Variants in CEP192 observed in about 807,000 individuals in gnomAD.
The protein encoded by CEP192 is centrosomal protein of 192 kDa.
In CEP192, 151 loss-of-function variants were observed where a neutral mutation model predicts 271.8. The ratio of observed to expected loss-of-function variants is 0.56; its 90% CI spans 0.49 to 0.64. The LOEUF is 0.64. Among genes scored for constraint, CEP192 ranks in the 30% least tolerant of loss-of-function variants. The pLI is 0.00. For synonymous variants in CEP192, 995 were observed against 1,076.5 expected (o/e 0.92, Z 1.48); for missense variants, 2,910 against 3,020.5 (o/e 0.96, Z 0.86).
chr18:13,106,807 T>C (rs1385683761), intron 40 of CEP192, among the ~76,000 whole-genome samples: 1 of 152,108 alleles, frequency 6.6e-6, no homozygotes, highest in Non-Finnish European at 1.5e-5. Context: ...AACCCTCAAC[T>C]ACAACCACAC....
At chr18:12,999,059 C>T (rs1427687672) in intron 1 of CEP192, among the ~76,000 whole-genome samples, 1 of 152,028 alleles carries the variant, frequency 6.6e-6, no homozygotes, top group African/African-American at 2.4e-5. Context: ...TAAATATGTC[C>T]TAAAATCATT....
intron 13 of CEP192, 111 bp downstream of exon 13, chr18:13,038,690 T>C (rs1197468180): frequency 2.4e-6 from 2 of 844,738 alleles, no homozygotes; most frequent in African/African-American, 1.7e-5. Context: ...GACAGAAGAG[T>C]GGTAAAAAAC....
intron 44 of CEP192, among the ~76,000 whole-genome samples, chr18:13,118,675 C>G (rs2040537101): frequency 6.6e-6 from 1 of 152,198 alleles, no homozygotes; most frequent in South Asian, 2.1e-4. Context: ...TTGATAAACT[C>G]TTTGGCCTCA....
At chr18:13,051,852 C>CTT (rs35962958) in intron 17 of CEP192, among the ~76,000 whole-genome samples, 2 of 152,200 alleles carry the variant, frequency 1.3e-5, no homozygotes, top group Non-Finnish European at 2.9e-5. Context: ...CAATTTGGGA[C>CTT]TTTTTAAAAG....
intron 21 of CEP192, among the ~76,000 whole-genome samples, chr18:13,059,785 G>A (rs760015904): frequency 8.5e-5 from 13 of 152,078 alleles, no homozygotes; most frequent in Non-Finnish European, 1.3e-4. Flanking sequence ...GCTGCACATT[G>A]GAATAACACT....
At chr18:13,101,426 A>G (rs1333273563) in intron 38 of CEP192, among the ~76,000 whole-genome samples, 1 of 152,156 alleles carries the variant, frequency 6.6e-6, no homozygotes, top group Non-Finnish European at 1.5e-5. Context: ...CGTGTTCAGT[A>G]ATGGTGATAT....
At position 13,037,242 on chromosome 18, in the gene CEP192, G is replaced by C. The variant is rs1361339606; in HGVS notation, c.1540G>C (p.Ala514Pro). ...TATAAACATTCTTTTTTAAGCTGAA[G>C]CATTTGATTTGATTGCACAAGATGA... The part of the protein sequence containing the change: ...MNEDFRSGSE[A>P]FDLIAQDEEE... Residue 514 changes from alanine (A) to proline (P), a missense_variant, in exon 12 of 45, where the codon GCA (alanine) becomes CCA (proline). Ala to Pro is a conservative substitution (Grantham distance 27). Coordinates refer to ENST00000506447, the MANE Select transcript of CEP192 (RefSeq NM_032142.4). The C allele has an allele frequency of 7.9e-7, 1 of 1,273,516 alleles. No individual in the cohort carries two copies. Among genetic ancestry groups the C allele is most frequent in the Non-Finnish European group, 1.1e-6 (1 of 896,536 alleles). 78.9% of individuals were successfully genotyped at this position (1,273,516 alleles called of 1,614,324 possible).
At position 13,073,003 on chromosome 18, in the gene CEP192, T is replaced by C. The variant is rs1016436378; in HGVS notation, c.5440-6T>C. Reference sequence around the variant, plus strand: ...TTTTATGCATTTAACTGTTTTTAAATTGTAGCTTCAGAACACTTTTGGTTC... The same window carrying C: ...TTTTATGCATTTAACTGTTTTTAAACTGTAGCTTCAGAACACTTTTGGTTC... On this transcript the variant is annotated splice_polypyrimidine_tract_variant and splice_region_variant and intron_variant, in intron 29 of 44. Transcript: ENST00000506447. The C allele has an allele frequency of 1.6e-5, 25 of 1,602,366 alleles. No individual in the cohort carries two copies. Among genetic ancestry groups the C allele is most frequent in the Non-Finnish European group, 2.0e-5 (23 of 1,175,650 alleles).
intron 15 of CEP192, 151 bp downstream of exon 15, chr18:13,042,485 T>G (rs1395357095): frequency 3.9e-6 from 3 of 771,354 alleles, no homozygotes; most frequent in Admixed American, 2.9e-5. Flanking sequence ...TAAATTTTTC[T>G]TTTTAAGTTT....
intron 1 of CEP192, among the ~76,000 whole-genome samples, chr18:12,993,746 C>T: frequency 6.6e-6 from 1 of 151,344 alleles, no homozygotes. Context: ...TCTCTTAATT[C>T]TCTCTTTCAG....
chr18:13,074,294 G>A (rs1441504834), intron 30 of CEP192, among the ~76,000 whole-genome samples: 3 of 152,172 alleles, frequency 2.0e-5, no homozygotes. Context: ...CCCATGAGAT[G>A]GGGTGGGCAA....
chr18:13,074,218 T>TG (rs1461154983), intron 30 of CEP192, among the ~76,000 whole-genome samples: 1 of 152,226 alleles, frequency 6.6e-6, no homozygotes, highest in Non-Finnish European at 1.5e-5. Flanking sequence ...GAATTAGGTA[T>TG]GTATGACAAA....
chr18:13,070,999 T>C (rs765623652), intron 27 of CEP192, 40 bp from the exon 28 acceptor site: 79 of 1,553,512 alleles, frequency 5.1e-5, no homozygotes, highest in Non-Finnish European at 6.6e-5. Context: ...CGAAAAGAAT[T>C]GAATACAGGA....
chr18:13,090,608 C>T (rs2039095091), intron 33 of CEP192, among the ~76,000 whole-genome samples: 1 of 151,916 alleles, frequency 6.6e-6, no homozygotes, highest in Non-Finnish European at 1.5e-5. Context: ...AAGTGGGGGT[C>T]TAGATCATCT....
chr18:13,119,790 GT>G (rs1568448911), intron 44 of CEP192, among the ~76,000 whole-genome samples: 2 of 151,958 alleles, frequency 1.3e-5, no homozygotes, highest in African/African-American at 4.8e-5. Flanking sequence ...TCTAAACAAA[GT>G]TTCATTTAAA....
At chr18:13,044,522 A>G (rs1290020680) in intron 15 of CEP192, among the ~76,000 whole-genome samples, 1 of 152,122 alleles carries the variant, frequency 6.6e-6, no homozygotes, top group Non-Finnish European at 1.5e-5. Context: ...TCACCTTGTA[A>G]GAGGATTGAA....
chr18:13,055,460 G>A (rs1270107544), intron 18 of CEP192, among the ~76,000 whole-genome samples: 3 of 152,110 alleles, frequency 2.0e-5, no homozygotes, highest in Non-Finnish European at 4.4e-5. Context: ...TTTTTGTAAA[G>A]TTTACAGAAA....
intron 40 of CEP192, among the ~76,000 whole-genome samples, chr18:13,109,775 A>G (rs2040125895): frequency 6.6e-6 from 1 of 152,164 alleles, no homozygotes. Context: ...TTTGGAAAAA[A>G]TAATAATAAT....
At position 13,018,519 on chromosome 18, in the gene CEP192, G is replaced by C; in HGVS notation, c.829G>C (p.Glu277Gln). The change falls in exon 8 of 45, where the codon GAA (glutamate) becomes CAA (glutamine). Residue 277 changes from glutamate (E) to glutamine (Q), a missense_variant. Glu to Gln is a conservative substitution (Grantham distance 29). Coordinates refer to ENST00000506447, the MANE Select transcript of CEP192 (RefSeq NM_032142.4). ...NGSLNCKFQS[E>Q]NNSSLISLDS... ...TAGCTTAAACTGCAAGTTTCAATCA[G>C]AAAATAACAGCTCTCTGATTTCCCT... 1 of 1,540,930 alleles carries C rather than the reference G, an allele frequency of 6.5e-7. No individual in the cohort carries two copies.
Sources: allele counts gnomAD v4.1 joint callset (sites outside exome capture counted in the v4.1 genomes callset), GRCh38; gene constraint gnomAD v4.1.1; transcripts MANE v1.5; gene names NCBI Gene and HGNC (gene_info 2026-07-23, HGNC 2026-07-21).